The following ENO4 variants were observed in gnomAD, a reference collection of about 807,000 sequenced individuals.
ENO4 encodes the protein 2-phospho-D-glycerate hydro-lyase.
A neutral mutation model predicts 63.2 loss-of-function variants in ENO4; 53 were observed. That is an observed-to-expected ratio of 0.84 (90% CI 0.67 to 1.05). The LOEUF (loss-of-function observed/expected upper bound fraction) is 1.05. Ranked by LOEUF, ENO4 falls within the 50% of genes least tolerant of loss-of-function variation. The pLI, the probability that ENO4 is intolerant of heterozygous loss-of-function variation, is 0.00. For synonymous variants in ENO4, 266 were observed against 283.8 expected, an observed-to-expected ratio of 0.94 and a Z score of 0.63; for missense variants, 719 against 772.0, an observed-to-expected ratio of 0.93 and a Z score of 0.81.
At chr10:116,887,017 C>A (rs1847186320), downstream of ENO4, among the ~76,000 whole-genome samples, 1 of 151,910 alleles carries the variant, frequency 6.6e-6, no homozygotes, top group African/African-American at 2.4e-5. Flanking sequence ...CCTGCAGGGA[C>A]AAGGGGAGTA....
At chr10:116,895,637 G>A (rs567673203) in intron 10 of ENO4, among the ~76,000 whole-genome samples, 3 of 152,246 alleles carry the variant, frequency 2.0e-5, no homozygotes, top group East Asian at 3.9e-4. Context: ...CAACTTAACT[G>A]CAGAATCATT....
At chr10:116,892,091 C>A (rs1420116904) in intron 10 of ENO4, among the ~76,000 whole-genome samples, 1 of 152,072 alleles carries the variant, frequency 6.6e-6, no homozygotes, top group Non-Finnish European at 1.5e-5. Context: ...AATGGCTGGG[C>A]AAAGATCTAT....
intron 1 of ENO4, chr10:116,849,956 G>A: frequency 1.4e-6 from 1 of 703,328 alleles, no homozygotes; most frequent in Non-Finnish European, 2.6e-6. Context: ...GCAGCTGGAG[G>A]AAAGAGGGCG....
intron 10 of ENO4, chr10:116,901,553 T>C: frequency 1.0e-6 from 1 of 985,360 alleles, no homozygotes; most frequent in South Asian, 4.7e-5. Context: ...GGGGAAGTAA[T>C]TCTCTTTGTA....
rs539885908 is a variant in ENO4 at position 116,903,482 on chromosome 10, G to C, written c.1195-8017G>C. Among the ~76,000 whole-genome samples the C allele has an allele frequency of 1.4e-4, 21 of 151,854 alleles. 1 individual carries two copies. The South Asian group carries it at 4.4e-3, about 32-fold the overall frequency. Reference sequence around the variant, plus strand: ...AGAGGTTGCAGTGAGCCGAGATCACGCCACTGCACTCCAGCCTGGGCGACA... The same window carrying C: ...AGAGGTTGCAGTGAGCCGAGATCACCCCACTGCACTCCAGCCTGGGCGACA... On this transcript the variant is annotated intron_variant, in intron 10 of 10. Transcript: ENST00000369207.
chr10:116,849,572 G>A lies in ENO4; in HGVS notation c.6G>A (p.Glu2=). The A allele has an allele frequency of 1.3e-6, 2 of 1,541,548 alleles. No homozygotes were observed. The highest frequency in any genetic ancestry group is 1.8e-6 in the Non-Finnish European group (2 of 1,142,752). The change falls in exon 1 of 14, where the codon GAG becomes GAA. Residue 2 remains glutamate, a synonymous_variant. Coordinates refer to ENST00000341276, the MANE Select transcript of ENO4 (RefSeq NM_001242699.2). The part of the protein sequence containing the change: M[E]EEGGGRSCGT... The stretch of plus-strand genomic sequence containing the variant: ...GTAGCCTTAAATCTCCTACCATGGA[G>A]GAAGAAGGCGGCGGCCGCAGCTGTG...
At chr10:116,880,641 G>C (rs187777715) in intron 13 of ENO4, among the ~76,000 whole-genome samples, 3 of 152,244 alleles carry the variant, frequency 2.0e-5, no homozygotes, top group East Asian at 3.9e-4. Flanking sequence ...CGTATGTAGC[G>C]GTCTTGAAAT....
Position 116,874,156 on chromosome 10 carries a change from C to A in ENO4, c.1296C>A (p.Asn432Lys), listed in dbSNP as rs1846770189. The A allele has an allele frequency of 6.5e-7, 1 of 1,548,998 alleles. No individual in the cohort carries two copies. Among genetic ancestry groups the A allele is most frequent in the Non-Finnish European group, 8.7e-7 (1 of 1,145,756 alleles). Residue 432 changes from asparagine to lysine, a missense_variant, in exon 10 of 14, where the codon AAC becomes AAA. By Grantham distance (94) the Asn-to-Lys change is moderately conservative (BLOSUM62 0). Transcript: ENST00000341276. ...EMVDLYVDLI[N>K]KYPSIIALID... ...TTGACCTGTATGTGGATCTGATCAA[C>A]AAGTACCCTTCAATTATTGCCTTAA...
chr10:116,895,028 T>C (rs1313026151), intron 10 of ENO4, among the ~76,000 whole-genome samples: 2 of 152,216 alleles, frequency 1.3e-5, no homozygotes, highest in East Asian at 1.9e-4. Flanking sequence ...TCAAAGGTGT[T>C]AACCAGTAAT....
chr10:116,901,579 G>T, intron 10 of ENO4: 1 of 985,252 alleles, frequency 1.0e-6, no homozygotes, highest in South Asian at 4.7e-5. Context: ...TACTTGCTTT[G>T]GATCTGAATG....
downstream of ENO4, among the ~76,000 whole-genome samples, chr10:116,887,343 C>A (rs191657946): frequency 2.0e-3 from 297 of 152,276 alleles, 1 homozygote; most frequent in Middle Eastern, 3.4e-3. Context: ...CTCTGAAACA[C>A]CCGAAGGTTC....
chr10:116,881,603 G>T lies in ENO4; in HGVS notation c.1812G>T (p.Pro604=). The change falls in exon 14 of 14, where the codon CCG becomes CCT. Residue 604 remains proline, a synonymous_variant. Transcript: ENST00000341276. Reference sequence around the variant, plus strand: ...TTGAGGCTGCTGCGGCTAGGGAGCCGCTGGTGCCCACCTTCCCCACACAAG... The same window carrying T: ...TTGAGGCTGCTGCGGCTAGGGAGCCTCTGGTGCCCACCTTCCCCACACAAG... The part of the protein sequence containing the change: ...EALEAAAARE[P]LVPTFPTQGV... 1 of 1,550,288 alleles carries T rather than the reference G, an allele frequency of 6.5e-7. No individual in the cohort carries two copies. Among genetic ancestry groups the T allele is most frequent in the Non-Finnish European group, 8.7e-7 (1 of 1,146,862 alleles).
Position 116,902,274 on chromosome 10 carries a change from AT to A in ENO4, c.1195-9224del, listed in dbSNP as rs368439568. Among the ~76,000 whole-genome samples the A allele has an allele frequency of 8.7e-3, 1,327 of 152,278 alleles. 11 individuals are homozygous for A. The highest frequency in any genetic ancestry group is 0.015 in the Non-Finnish European group (1,014 of 68,022). On this transcript the variant is annotated intron_variant, in intron 10 of 10. Transcript: ENST00000369207. ...GGAAAGTCTTTTCCTCTCATAGAGT[AT>A]GGCTTTCTGACAGCCCTACTCGAAC...
chr10:116,905,092 T>C (rs1384045209), intron 10 of ENO4, among the ~76,000 whole-genome samples: 2 of 149,240 alleles, frequency 1.3e-5, no homozygotes, highest in Non-Finnish European at 3.0e-5. Flanking sequence ...TCCCAGCTAC[T>C]GGGGAGGCTG....
downstream of ENO4, chr10:116,882,999 CAT>C (rs1307164219): frequency 4.1e-4 from 62 of 151,830 alleles, 2 homozygotes; most frequent in Admixed American, 2.4e-3. Flanking sequence ...CACACACACA[CAT>C]CATGAGACTA....
chr10:116,895,111 T>C (rs1847471286), intron 10 of ENO4, among the ~76,000 whole-genome samples: 1 of 152,220 alleles, frequency 6.6e-6, no homozygotes, highest in Non-Finnish European at 1.5e-5. Context: ...TTTGGTGCTT[T>C]AGAATGTATG....
chr10:116,907,761 G>C (rs1848030505), intron 10 of ENO4: 4 of 434,780 alleles, frequency 9.2e-6, no homozygotes, highest in South Asian at 1.7e-5. Context: ...TTTGATCAGA[G>C]GACATAAGAA....
At chr10:116,878,642 C>T (rs971277484) in intron 11 of ENO4, among the ~76,000 whole-genome samples, 2 of 151,722 alleles carry the variant, frequency 1.3e-5, no homozygotes, top group African/African-American at 4.8e-5. Context: ...TGAATCATGT[C>T]TTATAGCCGC....
At chr10:116,881,094 GCC>G (rs1448646084) in intron 13 of ENO4, among the ~76,000 whole-genome samples, 1 of 152,174 alleles carries the variant, frequency 6.6e-6, no homozygotes, top group Non-Finnish European at 1.5e-5. Context: ...CAAAAGCTCA[GCC>G]ATTAAAATGT....
Sources: allele counts gnomAD v4.1 joint callset (sites outside exome capture counted in the v4.1 genomes callset), GRCh38; gene constraint gnomAD v4.1.1; transcripts MANE v1.5; gene names NCBI Gene and HGNC (gene_info 2026-07-23, HGNC 2026-07-21).